FRMPD4: variants seen among roughly 807,000 people sequenced by gnomAD.
The protein encoded by FRMPD4 is FERM and PDZ domain-containing protein 4.
Under a neutral mutation model 94.1 loss-of-function variants are expected in FRMPD4, and 22 were observed. The observed-to-expected ratio is 0.23, with a 90% CI of 0.17 to 0.33. FRMPD4 has a LOEUF of 0.33. Ranked by LOEUF, FRMPD4 falls within the 10% of genes least tolerant of loss-of-function variation. FRMPD4 has a pLI of 1.00. For missense variants in FRMPD4, 1,111 were observed against 1,339.9 expected (o/e 0.83, Z 2.67); for synonymous variants, 631 against 548.6 (o/e 1.15, Z -2.10).
chrX:12,334,331 C>G (rs773260251), intron 1 of FRMPD4, among the ~76,000 whole-genome samples: 1 of 111,139 alleles, frequency 9.0e-6, no homozygotes, highest in African/African-American at 3.3e-5. Flanking sequence ...CTTTCTTTCT[C>G]GGATTCGTGT....
At chrX:12,244,202 G>A (rs995808599) in intron 1 of FRMPD4, among the ~76,000 whole-genome samples, 1 of 110,715 alleles carries the variant, frequency 9.0e-6, no homozygotes, top group Admixed American at 9.6e-5. Flanking sequence ...ATGAGATTGG[G>A]TGGGCTGGCT....
intron 11 of FRMPD4, among the ~76,000 whole-genome samples, chrX:12,706,408 G>A (rs1384410486): frequency 1.8e-5 from 2 of 111,717 alleles, no homozygotes; most frequent in African/African-American, 6.5e-5. Flanking sequence ...CACAAAGTCT[G>A]CATTCAGGTG....
At chrX:12,090,673 G>C (rs2055146707) in intron 3 of FRMPD4, among the ~76,000 whole-genome samples, 1 of 111,309 alleles carries the variant, frequency 9.0e-6, no homozygotes, top group Admixed American at 9.6e-5. Flanking sequence ...TCCTTTATAA[G>C]AGTTTAAAAA....
At chrX:12,101,974 G>A (rs188350296) in intron 3 of FRMPD4, among the ~76,000 whole-genome samples, 208 of 111,792 alleles carry the variant, frequency 1.9e-3, no homozygotes, top group Middle Eastern at 9.2e-3. Context: ...TATTTTCATA[G>A]CATGCACACT....
At position 11,902,569 on chromosome X, in the gene FRMPD4, G is replaced by T. The variant is rs149954576; in HGVS notation, c.95+24551G>T. On this transcript the variant is annotated intron_variant, in intron 3 of 18. Transcript: ENST00000640291. ...TAATAAACCTAATTACTTCCCAAAG[G>T]CCCTACCTCCCCTCCTCCAAATTCT... is the stretch of plus-strand genomic sequence containing the variant. 6.3e-5 allele frequency among the ~76,000 whole-genome samples: 7 copies of T among 111,463 alleles called. No individual in the cohort carries two copies. The East Asian group carries it at 1.7e-3, about 27-fold the overall frequency.
chrX:12,361,978 C>A (rs5933995), intron 1 of FRMPD4, among the ~76,000 whole-genome samples: 20,513 of 110,302 alleles, frequency 0.19, 1,555 homozygotes, highest in Non-Finnish European at 0.24. Flanking sequence ...GATTTAGGGC[C>A]CAGCCAGGTA....
intron 2 of FRMPD4, among the ~76,000 whole-genome samples, chrX:12,556,526 A>G (rs1170194482): frequency 8.9e-6 from 1 of 111,857 alleles, no homozygotes; most frequent in Non-Finnish European, 1.9e-5. Flanking sequence ...CAAACTCCAG[A>G]TAAGAATCAC....
chrX:12,297,402 A>G (rs1255061767), intron 1 of FRMPD4, among the ~76,000 whole-genome samples: 3 of 111,495 alleles, frequency 2.7e-5, no homozygotes, highest in Non-Finnish European at 5.7e-5. Context: ...TTGCTGCATC[A>G]TAACAGAATC....
At chrX:12,064,459 A>G (rs1601912538) in intron 3 of FRMPD4, among the ~76,000 whole-genome samples, 1 of 111,758 alleles carries the variant, frequency 8.9e-6, no homozygotes, top group East Asian at 2.8e-4. Context: ...CTCCAAGAAT[A>G]TGCCTCCTGT....
At chrX:12,498,161 T>C (rs998979584) in intron 1 of FRMPD4, among the ~76,000 whole-genome samples, 2 of 112,101 alleles carry the variant, frequency 1.8e-5, no homozygotes, top group African/African-American at 3.2e-5. Flanking sequence ...TTACAGGCTA[T>C]GCAGTGAATA....
At chrX:12,524,765 T>A (rs934828513) in intron 2 of FRMPD4, among the ~76,000 whole-genome samples, 1 of 111,226 alleles carries the variant, frequency 9.0e-6, no homozygotes. Flanking sequence ...TACAGCATCA[T>A]CTCCTTGATG....
intron 2 of FRMPD4, among the ~76,000 whole-genome samples, chrX:12,561,590 T>G (rs2058660346): frequency 1.8e-5 from 2 of 112,571 alleles, no homozygotes; most frequent in Non-Finnish European, 3.7e-5. Flanking sequence ...TAAAACATAG[T>G]TATCATAACC....
At chrX:12,567,478 T>C (rs1037957316) in intron 2 of FRMPD4, among the ~76,000 whole-genome samples, 2 of 112,435 alleles carry the variant, frequency 1.8e-5, no homozygotes, top group Non-Finnish European at 3.8e-5. Context: ...GGTAGGTGAT[T>C]AGGATTAAAA....
At chrX:12,442,490 CTG>C (rs1241806934) in intron 1 of FRMPD4, among the ~76,000 whole-genome samples, 6 of 111,969 alleles carry the variant, frequency 5.4e-5, no homozygotes. Flanking sequence ...TAATTCAAAA[CTG>C]TCCAATAAAA....
At chrX:12,131,992 C>T (rs2055556301) in intron 3 of FRMPD4, among the ~76,000 whole-genome samples, 1 of 111,840 alleles carries the variant, frequency 8.9e-6, no homozygotes, top group South Asian at 3.7e-4. Context: ...GCTTTCCAAC[C>T]CCCAGTCCCT....
chrX:12,374,310 A>G lies in FRMPD4; in HGVS notation c.42-124370A>G, dbSNP rs2056203428. 4.5e-5 allele frequency among the ~76,000 whole-genome samples: 5 copies of G among 112,178 alleles called. No individual in the cohort carries two copies. In the Admixed American group the frequency reaches 4.7e-4, roughly 11 times the overall value. On this transcript the variant is annotated intron_variant, in intron 1 of 16. Coordinates refer to ENST00000675598, the MANE Select transcript of FRMPD4 (RefSeq NM_001368397.1). ...CTCTAAATTTTGAGACTAGAGAGAA[A>G]GAGACTTTCTTTGAGCCCCAAATTA... is the stretch of plus-strand genomic sequence containing the variant.
intron 3 of FRMPD4, among the ~76,000 whole-genome samples, chrX:11,989,776 C>A (rs2054454090): frequency 9.0e-6 from 1 of 110,629 alleles, no homozygotes; most frequent in South Asian, 3.8e-4. Flanking sequence ...ACCTATGTAC[C>A]CACAAAAATT....
intron 1 of FRMPD4, among the ~76,000 whole-genome samples, chrX:11,827,879 C>T (rs2053453522): frequency 9.0e-6 from 1 of 111,675 alleles, no homozygotes; most frequent in African/African-American, 3.3e-5. Flanking sequence ...TTTATTAAGT[C>T]CAGAGTGGGT....
intron 3 of FRMPD4, among the ~76,000 whole-genome samples, chrX:11,958,201 C>T (rs1601856798): frequency 1.8e-5 from 2 of 111,689 alleles, no homozygotes; most frequent in African/African-American, 6.5e-5. Flanking sequence ...TTTGAGGAGT[C>T]TGTGGATATA....
Sources: gnomAD v4.1 joint callset for allele counts (sites outside exome capture counted in the v4.1 genomes callset) on GRCh38, gnomAD v4.1.1 for gene constraint, MANE v1.5 for transcripts, NCBI Gene and HGNC (gene_info 2026-07-23, HGNC 2026-07-21) for gene names.